Variants in TP63 observed in about 807,000 individuals in gnomAD.
TP63 encodes the protein tumor protein 63.
A neutral mutation model predicts 82.8 loss-of-function variants in TP63; 17 were observed. The observed-to-expected ratio is 0.21, with a 90% confidence interval of 0.14 to 0.31. The LOEUF (loss-of-function observed/expected upper bound fraction) is 0.31, where lower values mean the gene tolerates loss of function less well. Among genes scored for constraint, TP63 ranks in the 10% least tolerant of loss-of-function variants. The pLI, the probability that TP63 is intolerant of heterozygous loss-of-function variation, is 1.00. For synonymous variants in TP63, 330 were observed against 321.7 expected, an observed-to-expected ratio of 1.03 and a Z score of -0.28; for missense variants, 648 against 895.3, an observed-to-expected ratio of 0.72 and a Z score of 3.52.
chr3:189,777,985 C>T (rs551023618), intron 3 of TP63, among the ~76,000 whole-genome samples: 24 of 150,410 alleles, frequency 1.6e-4, no homozygotes, highest in Admixed American at 1.3e-3. Flanking sequence ...CCTCCTGAGT[C>T]GCTGGGATTA....
At chr3:189,823,131 T>G (rs565332373) in intron 4 of TP63, among the ~76,000 whole-genome samples, 5 of 151,968 alleles carry the variant, frequency 3.3e-5, no homozygotes, top group African/African-American at 4.8e-5. Flanking sequence ...CTGAAGAGAG[T>G]AGACTCTCCA....
At position 189,894,828 on chromosome 3, in the gene TP63, G is replaced by T. The variant is rs1721351941; in HGVS notation, c.*326G>T. ...AAGCATGTTCACCCTTATAGTCTAAGACTATATATATAAATGTATAAATAT... is the reference window on the plus strand; with the variant it reads ...AAGCATGTTCACCCTTATAGTCTAATACTATATATATAAATGTATAAATAT... On this transcript the variant is annotated 3_prime_UTR_variant, in exon 14 of 14. Coordinates refer to ENST00000264731, the MANE Select transcript of TP63 (RefSeq NM_003722.5). The T allele has an allele frequency of 3.1e-6, 1 of 324,218 alleles. No homozygotes were observed. The highest frequency in any genetic ancestry group is 4.8e-5 in the East Asian group (1 of 20,988). The allele number at this position is 324,218 out of a possible 1,614,324, so 20.1% of individuals were successfully genotyped here. A position where few individuals can be genotyped will look rare whatever the true frequency, so the allele number is the denominator to read the frequency against.
chr3:189,825,665 T>C (rs1729270679), intron 4 of TP63, among the ~76,000 whole-genome samples: 1 of 152,248 alleles, frequency 6.6e-6, no homozygotes, highest in South Asian at 2.1e-4. Context: ...TTCTCTATTC[T>C]TTCCCTTTAT....
At chr3:189,875,609 T>TAC (rs1553859649) in intron 10 of TP63, among the ~76,000 whole-genome samples, 3 of 62,986 alleles carry the variant, frequency 4.8e-5, no homozygotes, top group African/African-American at 1.6e-4. Flanking sequence ...TATATATATA[T>TAC]ATATATATAT....
At chr3:189,736,572 T>C (rs756891418) in intron 1 of TP63, among the ~76,000 whole-genome samples, 16 of 152,244 alleles carry the variant, frequency 1.1e-4, no homozygotes, top group Admixed American at 2.6e-4. Context: ...TTCCTGTCTT[T>C]CCTTCTATAC....
intron 1 of TP63, among the ~76,000 whole-genome samples, chr3:189,685,964 C>A (rs1233813661): frequency 6.6e-6 from 1 of 152,082 alleles, no homozygotes; most frequent in Non-Finnish European, 1.5e-5. Flanking sequence ...ATCAGAAAAC[C>A]CTACATTTCT....
intron 3 of TP63, among the ~76,000 whole-genome samples, chr3:189,806,613 G>T (rs574249451): frequency 1.3e-5 from 2 of 152,278 alleles, no homozygotes; most frequent in East Asian, 1.9e-4. Flanking sequence ...CACACCTGCC[G>T]GGAGAGAAAG....
intron 13 of TP63, among the ~76,000 whole-genome samples, chr3:189,891,541 C>T (rs1254164541): frequency 6.6e-6 from 1 of 152,230 alleles, no homozygotes; most frequent in East Asian, 1.9e-4. Context: ...AAATCCCAAT[C>T]ACCCTTTTTA....
intron 3 of TP63, among the ~76,000 whole-genome samples, chr3:189,765,273 T>C (rs560522314): frequency 1.1e-4 from 17 of 151,862 alleles, no homozygotes; most frequent in Admixed American, 5.2e-4. Flanking sequence ...TTGTGACTAA[T>C]TGATATGAGA....
At position 189,868,685 on chromosome 3, in the gene TP63, C is replaced by T. The variant is rs2108806907; in HGVS notation, c.1098C>T (p.Asp366=). ...GCATCAGAAAGCAGCAAGTTTCGGACAGTACAAAGAACGGTGATGGTACGA... is the reference window on the plus strand; with the variant it reads ...GCATCAGAAAGCAGCAAGTTTCGGATAGTACAAAGAACGGTGATGGTACGA... ...EDSIRKQQVS[D]STKNGDGTKR... The change falls in exon 8 of 14, where the codon GAC becomes GAT. Residue 366 remains aspartate, a synonymous_variant. Transcript: ENST00000264731. 6.2e-7 allele frequency: 1 copy of T among 1,614,066 alleles called. No individual in the cohort carries two copies. The highest frequency in any genetic ancestry group is 8.5e-7 in the Non-Finnish European group (1 of 1,180,000).
At chr3:189,749,931 G>A (rs1159389458) in intron 3 of TP63, among the ~76,000 whole-genome samples, 1 of 152,028 alleles carries the variant, frequency 6.6e-6, no homozygotes, top group Admixed American at 6.6e-5. Context: ...AGACCATCCT[G>A]GCTAACAAGG....
Position 189,745,112 on chromosome 3 carries a change from G to A in TP63, c.324+6338G>A, listed in dbSNP as rs372532367. On this transcript the variant is annotated intron_variant, in intron 3 of 13. Coordinates refer to ENST00000264731, the MANE Select transcript of TP63 (RefSeq NM_003722.5). ...CTAATTTCATAGATAATGTCTTCAG[G>A]AAATTGTCCTCTTCTATGAAAGCAA... Among the ~76,000 whole-genome samples, 18 of 152,208 alleles carry A rather than the reference G, an allele frequency of 1.2e-4. 1 individual carries two copies. The South Asian group carries it at 2.9e-3, about 25-fold the overall frequency.
intron 3 of TP63, among the ~76,000 whole-genome samples, chr3:189,767,471 A>G (rs915433523): frequency 1.3e-5 from 2 of 152,150 alleles, no homozygotes; most frequent in African/African-American, 2.4e-5. Flanking sequence ...TAAAAATTCA[A>G]TTTCGCTTTC....
At chr3:189,806,349 G>T (rs935797807) in intron 3 of TP63, among the ~76,000 whole-genome samples, 1 of 152,072 alleles carries the variant, frequency 6.6e-6, no homozygotes, top group Non-Finnish European at 1.5e-5. Context: ...TGTCAGGGAC[G>T]GCTGCCTCCC....
At chr3:189,881,262 C>G in intron 10 of TP63, 5 of 985,280 alleles carry the variant, frequency 5.1e-6, no homozygotes, top group Non-Finnish European at 4.8e-6. Context: ...AAAGGGTAGA[C>G]TACTTTTCTT....
At chr3:189,699,152 CA>C (rs899750328) in intron 1 of TP63, among the ~76,000 whole-genome samples, 1 of 152,100 alleles carries the variant, frequency 6.6e-6, no homozygotes, top group African/African-American at 2.4e-5. Context: ...TTCCTCTGTC[CA>C]AAGTGTTCCA....
intron 3 of TP63, among the ~76,000 whole-genome samples, chr3:189,793,831 C>T (rs550631852): frequency 8.6e-5 from 13 of 151,976 alleles, no homozygotes; most frequent in Admixed American, 3.9e-4. Context: ...CCCAAGTGGG[C>T]GCTCAATTTT....
chr3:189,892,007 T>G (rs1225356006), intron 13 of TP63, among the ~76,000 whole-genome samples: 5 of 152,122 alleles, frequency 3.3e-5, no homozygotes, highest in Admixed American at 3.3e-4. Flanking sequence ...CCACCCCTCT[T>G]CACCCCATAA....
intron 4 of TP63, among the ~76,000 whole-genome samples, chr3:189,819,292 T>A (rs1011635638): frequency 6.2e-4 from 95 of 152,210 alleles, no homozygotes; most frequent in African/African-American, 2.0e-3. Flanking sequence ...CACTTTTTTT[T>A]TAAATTTTAT....
Sources: gnomAD v4.1 joint callset for allele counts (sites outside exome capture counted in the v4.1 genomes callset) on GRCh38, gnomAD v4.1.1 for gene constraint, MANE v1.5 for transcripts, NCBI Gene and HGNC (gene_info 2026-07-23, HGNC 2026-07-21) for gene names.